Variants in MDGA2 observed in about 807,000 individuals in gnomAD.
MDGA2 encodes the protein MAM domain containing glycosylphosphatidylinositol anchor 2, also known as MAM domain-containing glycosylphosphatidylinositol anchor protein 2.
Under a neutral mutation model 117.8 loss-of-function variants are expected in MDGA2, and 40 were observed. The ratio of observed to expected loss-of-function variants is 0.34; its 90% CI spans 0.26 to 0.44. The LOEUF (loss-of-function observed/expected upper bound fraction) is 0.44, where lower values mean the gene tolerates loss of function less well. Among genes scored for constraint, MDGA2 ranks in the 20% least tolerant of loss-of-function variants. The probability of loss-of-function intolerance (pLI) is 1.00; values close to 1 mark genes in which losing one functional copy is unlikely to be tolerated. For synonymous variants in MDGA2, 452 were observed against 439.0 expected, an observed-to-expected ratio of 1.03 and a Z score of -0.37; for missense variants, 1,123 against 1,250.6, an observed-to-expected ratio of 0.90 and a Z score of 1.54.
At chr14:46,953,359 A>G (rs896749658) in intron 9 of MDGA2, among the ~76,000 whole-genome samples, 1 of 151,842 alleles carries the variant, frequency 6.6e-6, no homozygotes, top group Non-Finnish European at 1.5e-5. Flanking sequence ...ATTTAAAAGA[A>G]TCTTAAAATG....
At chr14:47,277,047 C>T (rs1016772523) in intron 2 of MDGA2, among the ~76,000 whole-genome samples, 2 of 152,122 alleles carry the variant, frequency 1.3e-5, no homozygotes, top group African/African-American at 4.8e-5. Flanking sequence ...GGGCAGTGGA[C>T]TCAAATCTAC....
At chr14:47,059,172 G>T in intron 7 of MDGA2, 1 of 810,984 alleles carries the variant, frequency 1.2e-6, no homozygotes, top group Non-Finnish European at 1.7e-6. Flanking sequence ...CATTTTGTTA[G>T]TTAATAATTA....
chr14:47,086,350 A>C (rs1008653003), intron 6 of MDGA2, among the ~76,000 whole-genome samples: 1 of 152,096 alleles, frequency 6.6e-6, no homozygotes, highest in African/African-American at 2.4e-5. Context: ...ATATTTGATT[A>C]CATCTATTTA....
At chr14:47,446,336 T>C (rs1320766669) in intron 1 of MDGA2, among the ~76,000 whole-genome samples, 1 of 152,152 alleles carries the variant, frequency 6.6e-6, no homozygotes, top group East Asian at 1.9e-4. Flanking sequence ...AGTGGAAGAT[T>C]ACAGAATCAG....
At chr14:46,953,569 A>G (rs1381706976) in intron 9 of MDGA2, among the ~76,000 whole-genome samples, 1 of 152,014 alleles carries the variant, frequency 6.6e-6, no homozygotes, top group Non-Finnish European at 1.5e-5. Flanking sequence ...ATTGCATTTA[A>G]GCAACTAGAC....
Position 47,047,512 on chromosome 14 carries a change from T to C in MDGA2, c.1526-12208A>G, listed in dbSNP as rs76127572. ...AGCTCTATCACCTACTAGCTGGGTA[T>C]ACTTGGGAAAGTAGGCAAGTCTGCA... On this transcript the variant is annotated intron_variant, in intron 7 of 16. Coordinates refer to ENST00000399232, the MANE Select transcript of MDGA2 (RefSeq NM_001113498.3). Among the ~76,000 whole-genome samples, 1,449 of 152,254 alleles carry C rather than the reference T, an allele frequency of 9.5e-3. 18 individuals are homozygous for C. The highest frequency in any genetic ancestry group is 0.034 in the Middle Eastern group (10 of 294).
At chr14:47,392,289 T>G (rs991502856) in intron 1 of MDGA2, among the ~76,000 whole-genome samples, 13 of 152,046 alleles carry the variant, frequency 8.6e-5, no homozygotes, top group African/African-American at 3.1e-4. Context: ...CTTTTATCAT[T>G]TCATGAAGCA....
intron 1 of MDGA2, among the ~76,000 whole-genome samples, chr14:47,485,587 G>A (rs1419816594): frequency 6.6e-6 from 1 of 152,136 alleles, no homozygotes; most frequent in East Asian, 1.9e-4. Flanking sequence ...TGTCTCCAGG[G>A]CATGTCACAG....
At chr14:47,514,870 C>T (rs1007276286) in intron 1 of MDGA2, among the ~76,000 whole-genome samples, 1 of 152,120 alleles carries the variant, frequency 6.6e-6, no homozygotes, top group Non-Finnish European at 1.5e-5. Flanking sequence ...TTCTTTCCCA[C>T]CTCTCTAGAT....
intron 1 of MDGA2, among the ~76,000 whole-genome samples, chr14:47,398,651 G>A (rs929934080): frequency 6.6e-6 from 1 of 152,104 alleles, no homozygotes; most frequent in African/African-American, 2.4e-5. Context: ...AAGTAGTAGA[G>A]GTGTGACTTG....
At chr14:47,226,299 G>A (rs190155695) in intron 2 of MDGA2, among the ~76,000 whole-genome samples, 1 of 151,896 alleles carries the variant, frequency 6.6e-6, no homozygotes, top group East Asian at 1.9e-4. Flanking sequence ...CACAAAGTAG[G>A]TCTACTCACT....
At chr14:46,858,420 CTTTTTTTCTT>C (rs1566493904) in intron 14 of MDGA2, among the ~76,000 whole-genome samples, 6 of 109,808 alleles carry the variant, frequency 5.5e-5, no homozygotes, top group African/African-American at 2.0e-4. Flanking sequence ...TTTTCTTTTT[CTTTTTTTCTT>C]TTTTTTTTTT....
chr14:46,916,163 G>C (rs1426269376), intron 10 of MDGA2, among the ~76,000 whole-genome samples: 1 of 152,050 alleles, frequency 6.6e-6, no homozygotes, highest in Non-Finnish European at 1.5e-5. Flanking sequence ...GCCCTGTCTG[G>C]TAACATCCGC....
intron 1 of MDGA2, among the ~76,000 whole-genome samples, chr14:47,338,380 G>C (rs1166803355): frequency 6.6e-6 from 1 of 151,618 alleles, no homozygotes; most frequent in African/African-American, 2.4e-5. Context: ...AGGTCTATCT[G>C]GATAGACTAC....
intron 1 of MDGA2, among the ~76,000 whole-genome samples, chr14:47,521,589 C>T (rs1207418963): frequency 6.6e-6 from 1 of 152,154 alleles, no homozygotes; most frequent in Admixed American, 6.5e-5. Flanking sequence ...TGGGATCATA[C>T]AAATTCCAAA....
Position 47,242,974 on chromosome 14 carries a change from C to T in MDGA2, c.421-24779G>A, listed in dbSNP as rs527364361. 8.8e-4 allele frequency among the ~76,000 whole-genome samples: 133 copies of T among 151,896 alleles called. 1 individual carries two copies. The highest frequency in any genetic ancestry group is 3.1e-3 in the African/African-American group (129 of 41,510). ...GGATTGTAAATGCACCAATCAGCAC[C>T]CTGTGTTTAGCTCAAGGTTTGTGAG... is the stretch of plus-strand genomic sequence containing the variant. On this transcript the variant is annotated intron_variant, in intron 2 of 16. Transcript: ENST00000399232.
At chr14:47,189,239 T>A (rs972262324) in intron 3 of MDGA2, among the ~76,000 whole-genome samples, 4 of 151,942 alleles carry the variant, frequency 2.6e-5, no homozygotes, top group Non-Finnish European at 2.9e-5. Context: ...GAAATACCCA[T>A]ACATGCTCAG....
chr14:47,059,484 C>A (rs1018663345), intron 7 of MDGA2: 3 of 396,088 alleles, frequency 7.6e-6, no homozygotes, highest in Non-Finnish European at 1.4e-5. Context: ...GTGGAAATTT[C>A]ACAAATCAAT....
intron 3 of MDGA2, among the ~76,000 whole-genome samples, chr14:47,166,439 T>A (rs1312240468): frequency 6.6e-6 from 1 of 152,208 alleles, no homozygotes; most frequent in Non-Finnish European, 1.5e-5. Context: ...AAAATATTTA[T>A]AGATATATAA....
Sources: gnomAD v4.1 joint callset for allele counts (sites outside exome capture counted in the v4.1 genomes callset) on GRCh38, gnomAD v4.1.1 for gene constraint, MANE v1.5 for transcripts, NCBI Gene and HGNC (gene_info 2026-07-23, HGNC 2026-07-21) for gene names.